RSRC1: variants seen among roughly 807,000 people sequenced by gnomAD.
The protein encoded by RSRC1 is arginine and serine rich coiled-coil 1, also known as serine/Arginine-related protein 53.
RSRC1 carries 39 observed loss-of-function variants against 49.1 expected under a neutral mutation model. The ratio of observed to expected loss-of-function variants is 0.79; its 90% CI spans 0.61 to 1.04. RSRC1 has a LOEUF of 1.04. RSRC1 is among the 50% of genes least tolerant of loss of function. The probability of loss-of-function intolerance (pLI) is 0.00; values close to 1 mark genes in which losing one functional copy is unlikely to be tolerated. For synonymous variants in RSRC1, 143 were observed against 130.8 expected (o/e 1.09, Z -0.63); for missense variants, 388 against 402.4 (o/e 0.96, Z 0.31).
At chr3:158,499,861 T>C (rs767440993) in intron 7 of RSRC1, among the ~76,000 whole-genome samples, 19 of 152,300 alleles carry the variant, frequency 1.2e-4, no homozygotes, top group Admixed American at 7.2e-4. Flanking sequence ...TTTATTTCCT[T>C]TTCTTGTCTG....
At chr3:158,316,661 G>C (rs947672169) in intron 5 of RSRC1, among the ~76,000 whole-genome samples, 38 of 151,920 alleles carry the variant, frequency 2.5e-4, no homozygotes, top group African/African-American at 7.0e-4. Context: ...AGCCAGGATG[G>C]TCTCGATCTC....
At chr3:158,276,978 C>A (rs1185007389) in intron 4 of RSRC1, among the ~76,000 whole-genome samples, 1 of 151,924 alleles carries the variant, frequency 6.6e-6, no homozygotes, top group South Asian at 2.1e-4. Context: ...TGATTTAGAC[C>A]AGAGATCAGT....
At chr3:158,537,063 A>G in intron 7 of RSRC1, 29 bp from the exon 8 acceptor site, 1 of 1,478,628 alleles carries the variant, frequency 6.8e-7, no homozygotes, top group Non-Finnish European at 9.4e-7. Flanking sequence ...TTACACCAAA[A>G]TACGCTGACA....
At chr3:158,540,440 C>T (rs1011782523) in intron 8 of RSRC1, among the ~76,000 whole-genome samples, 3 of 152,142 alleles carry the variant, frequency 2.0e-5, no homozygotes, top group Non-Finnish European at 4.4e-5. Flanking sequence ...AATTCCTAAA[C>T]ATACATGACT....
chr3:158,217,986 C>A (rs1284548233), intron 4 of RSRC1, among the ~76,000 whole-genome samples: 1 of 151,354 alleles, frequency 6.6e-6, no homozygotes, highest in Admixed American at 6.6e-5. Flanking sequence ...GAGGAAACAT[C>A]ATCAACAAAG....
intron 3 of RSRC1, among the ~76,000 whole-genome samples, chr3:158,199,050 A>T (rs1055403013): frequency 1.3e-5 from 2 of 152,100 alleles, no homozygotes; most frequent in African/African-American, 2.4e-5. Context: ...CCCATGGGAG[A>T]TGATTGAATC....
chr3:158,269,808 G>C (rs974763692), intron 4 of RSRC1, among the ~76,000 whole-genome samples: 1 of 152,072 alleles, frequency 6.6e-6, no homozygotes, highest in Non-Finnish European at 1.5e-5. Flanking sequence ...CCAGAAAACA[G>C]ATTTCTTATT....
chr3:158,491,397 C>T (rs1044451300), intron 7 of RSRC1, among the ~76,000 whole-genome samples: 11 of 152,124 alleles, frequency 7.2e-5, no homozygotes, highest in African/African-American at 2.7e-4. Context: ...ATCACTCAAT[C>T]TATTACAAGA....
intron 7 of RSRC1, among the ~76,000 whole-genome samples, chr3:158,535,857 A>G (rs140645109): frequency 6.6e-6 from 1 of 151,634 alleles, no homozygotes; most frequent in Admixed American, 6.6e-5. Context: ...AAGAGAAAGA[A>G]TCAAACATTT....
intron 3 of RSRC1, among the ~76,000 whole-genome samples, chr3:158,167,000 G>T (rs1326127031): frequency 1.3e-5 from 2 of 151,926 alleles, no homozygotes; most frequent in Non-Finnish European, 2.9e-5. Context: ...TAGAATAAAA[G>T]AAAAATAACA....
intron 1 of RSRC1, among the ~76,000 whole-genome samples, chr3:158,112,958 G>A (rs895484422): frequency 3.3e-5 from 5 of 152,070 alleles, no homozygotes; most frequent in African/African-American, 7.3e-5. Context: ...ATCCATGTCC[G>A]TGCAAATGAT....
At chr3:158,217,765 T>TG (rs3052855) in intron 4 of RSRC1, among the ~76,000 whole-genome samples, 4,947 of 141,380 alleles carry the variant, frequency 0.035, 140 homozygotes, top group Middle Eastern at 0.071. Context: ...TGTGTGTGTG[T>TG]GGGGGGGGAA....
At chr3:158,385,095 A>G (rs1732903337) in intron 6 of RSRC1, among the ~76,000 whole-genome samples, 1 of 152,158 alleles carries the variant, frequency 6.6e-6, no homozygotes, top group African/African-American at 2.4e-5. Context: ...CTTTCAAAAT[A>G]ACATAGAACA....
chr3:158,223,590 A>ATTTTTTT (rs5853818), intron 4 of RSRC1, among the ~76,000 whole-genome samples: 61 of 145,702 alleles, frequency 4.2e-4, no homozygotes, highest in Admixed American at 9.6e-4. Context: ...TAGCTTCCTG[A>ATTTTTTT]TTTTTTTTTT....
chr3:158,219,534 T>C (rs558940028), intron 4 of RSRC1, among the ~76,000 whole-genome samples: 4 of 151,696 alleles, frequency 2.6e-5, no homozygotes, highest in African/African-American at 9.6e-5. Context: ...AAATATACAT[T>C]TGAAAAATTC....
At chr3:158,217,701 A>G (rs988407588) in intron 4 of RSRC1, among the ~76,000 whole-genome samples, 8 of 148,584 alleles carry the variant, frequency 5.4e-5, no homozygotes, top group African/African-American at 1.7e-4. Context: ...GATTCATTCC[A>G]TGGTGATGGA....
At chr3:158,324,083 A>C (rs999509036) in intron 5 of RSRC1, among the ~76,000 whole-genome samples, 1 of 152,164 alleles carries the variant, frequency 6.6e-6, no homozygotes, top group Admixed American at 6.5e-5. Flanking sequence ...TTTTTGGAAA[A>C]GATTTTGATA....
chr3:158,248,289 T>C (rs1451583677), intron 4 of RSRC1, among the ~76,000 whole-genome samples: 1 of 152,206 alleles, frequency 6.6e-6, no homozygotes, highest in African/African-American at 2.4e-5. Flanking sequence ...AAATTACTTT[T>C]GTGTGTTTTT....
At chr3:158,426,749 G>C (rs1452054857) in intron 6 of RSRC1, among the ~76,000 whole-genome samples, 2 of 151,772 alleles carry the variant, frequency 1.3e-5, no homozygotes, top group Non-Finnish European at 2.9e-5. Context: ...ATACCGAAAT[G>C]AACTGAAGAA....
Sources: gnomAD v4.1 joint callset for allele counts (sites outside exome capture counted in the v4.1 genomes callset) on GRCh38, gnomAD v4.1.1 for gene constraint, MANE v1.5 for transcripts, NCBI Gene and HGNC (gene_info 2026-07-23, HGNC 2026-07-21) for gene names.